Variants in WWOX observed in about 807,000 individuals in gnomAD.
The protein encoded by WWOX is WW domain containing oxidoreductase, also known as WW domain-containing oxidoreductase.
Under a neutral mutation model 46.2 loss-of-function variants are expected in WWOX, and 69 were observed. The ratio of observed to expected loss-of-function variants is 1.49; its 90% CI spans 1.23 to 1.82. The LOEUF (loss-of-function observed/expected upper bound fraction) is 1.82. WWOX is among the 40% of genes most tolerant of loss of function. WWOX has a pLI of 0.00. For synonymous variants in WWOX, 359 were observed against 202.6 expected, an observed-to-expected ratio of 1.77 and a Z score of -6.56; for missense variants, 919 against 542.6, an observed-to-expected ratio of 1.69 and a Z score of -6.89.
chr16:78,878,053 G>A (rs549585087), intron 8 of WWOX, among the ~76,000 whole-genome samples: 8 of 152,264 alleles, frequency 5.3e-5, no homozygotes, highest in African/African-American at 1.9e-4. Flanking sequence ...GATCCCCTAA[G>A]ACAAAGCATT....
At chr16:78,409,933 T>A (rs1482456432) in intron 6 of WWOX, among the ~76,000 whole-genome samples, 1 of 152,200 alleles carries the variant, frequency 6.6e-6, no homozygotes, top group African/African-American at 2.4e-5. Flanking sequence ...GAGCTCCCTG[T>A]CTCAAGGTGA....
intron 8 of WWOX, among the ~76,000 whole-genome samples, chr16:79,178,225 C>G (rs1391984647): frequency 6.6e-6 from 1 of 152,188 alleles, no homozygotes; most frequent in Non-Finnish European, 1.5e-5. Flanking sequence ...GAACAAGTGA[C>G]TATTTGCTAA....
At chr16:78,527,156 A>T (rs373632970) in intron 8 of WWOX, among the ~76,000 whole-genome samples, 1 of 152,100 alleles carries the variant, frequency 6.6e-6, no homozygotes, top group African/African-American at 2.4e-5. Flanking sequence ...AGAGCGGGGT[A>T]AAAAAACAAC....
In WWOX at chr16:78,594,024, A is replaced by G. The variant is rs1315234250; in HGVS notation, c.1056+161272A>G. 4.6e-5 allele frequency among the ~76,000 whole-genome samples: 7 copies of G among 152,240 alleles called. No homozygotes were observed. In the East Asian group the frequency reaches 7.8e-4, roughly 17 times the overall value. ...TAAGTCTCAGTTTCGTCTCCTGTCA[A>G]TTGGGAAAATATCGTGAGGCGGAGA... On this transcript the variant is annotated intron_variant, in intron 8 of 8. Transcript: ENST00000566780.
intron 8 of WWOX, among the ~76,000 whole-genome samples, chr16:78,932,516 G>C (rs1020442907): frequency 2.6e-4 from 39 of 152,176 alleles, no homozygotes; most frequent in Non-Finnish European, 1.0e-4. Flanking sequence ...TGCAAACCTT[G>C]AAGTGGGCCC....
rs2048503669 is a variant in WWOX at position 78,713,928 on chromosome 16, C to T, written c.1056+281176C>T. On this transcript the variant is annotated intron_variant, in intron 8 of 8. Transcript: ENST00000566780. ...ACACCCGAGGACTGTCGTTGGGGAA[C>T]AGGAAACCTGTCTGTAGTCCTGGCT... is the stretch of plus-strand genomic sequence containing the variant. 1.3e-5 allele frequency among the ~76,000 whole-genome samples: 2 copies of T among 152,096 alleles called. 1 individual carries two copies. Among genetic ancestry groups the T allele is most frequent in the Admixed American group, 1.3e-4 (2 of 15,264 alleles).
intron 8 of WWOX, among the ~76,000 whole-genome samples, chr16:79,191,442 C>A (rs962423768): frequency 3.9e-5 from 6 of 152,050 alleles, no homozygotes; most frequent in African/African-American, 1.2e-4. Context: ...ACACCTTTAT[C>A]TTTGCATTTC....
At chr16:79,056,424 G>T (rs568853303) in intron 8 of WWOX, among the ~76,000 whole-genome samples, 2 of 152,208 alleles carry the variant, frequency 1.3e-5, no homozygotes, top group Non-Finnish European at 2.9e-5. Context: ...GCCTTGTCCT[G>T]TGGTTTAAGG....
chr16:78,462,664 G>T (rs1263952080), intron 8 of WWOX, among the ~76,000 whole-genome samples: 2 of 152,176 alleles, frequency 1.3e-5, no homozygotes, highest in African/African-American at 4.8e-5. Context: ...CCAAGTAGGA[G>T]TAATAGAGTC....
chr16:79,117,545 C>T (rs1329193023), intron 8 of WWOX, among the ~76,000 whole-genome samples: 2 of 152,190 alleles, frequency 1.3e-5, no homozygotes, highest in South Asian at 2.1e-4. Flanking sequence ...GAGAGTCAGC[C>T]TGTGCTTCGC....
Position 78,182,875 on chromosome 16 carries a change from T to C in WWOX, c.516+18586T>C, listed in dbSNP as rs1232926894. 2.1e-5 allele frequency among the ~76,000 whole-genome samples: 3 copies of C among 144,846 alleles called. No homozygotes were observed. The East Asian group carries it at 6.1e-4, about 30-fold the overall frequency. On this transcript the variant is annotated intron_variant, in intron 5 of 8. Coordinates refer to ENST00000566780, the MANE Select transcript of WWOX (RefSeq NM_016373.4). ...CTGAGGCAGGAGAATGGCATGAACC[T>C]GGGAGGCAGAGCTTGCAGTGAGCCG...
intron 5 of WWOX, among the ~76,000 whole-genome samples, chr16:78,327,239 T>C (rs2080644666): frequency 6.6e-6 from 1 of 152,174 alleles, no homozygotes; most frequent in Non-Finnish European, 1.5e-5. Context: ...GGATGTGTCA[T>C]ATCGGGAAAG....
At chr16:78,845,494 G>C (rs537825793) in intron 8 of WWOX, among the ~76,000 whole-genome samples, 36 of 152,262 alleles carry the variant, frequency 2.4e-4, no homozygotes, top group Non-Finnish European at 4.4e-4. Context: ...CTCTTTTACA[G>C]GCTTAGCATA....
chr16:79,153,154 A>C (rs1295076049), intron 8 of WWOX, among the ~76,000 whole-genome samples: 2 of 152,130 alleles, frequency 1.3e-5, no homozygotes, highest in Admixed American at 6.5e-5. Flanking sequence ...AACCGCCAAG[A>C]AATCTTGAGA....
chr16:78,990,613 G>T (rs1037732136), intron 8 of WWOX, among the ~76,000 whole-genome samples: 1 of 152,118 alleles, frequency 6.6e-6, no homozygotes, highest in Admixed American at 6.5e-5. Context: ...AGATGGTAGA[G>T]CGAACAGGCC....
chr16:78,115,563 G>A (rs1369594696), intron 4 of WWOX, among the ~76,000 whole-genome samples: 1 of 152,178 alleles, frequency 6.6e-6, no homozygotes, highest in Non-Finnish European at 1.5e-5. Context: ...GATACTACAG[G>A]TTTCGACTGG....
chr16:78,215,183 C>T (rs934382730), intron 5 of WWOX, among the ~76,000 whole-genome samples: 4 of 152,184 alleles, frequency 2.6e-5, no homozygotes, highest in Non-Finnish European at 4.4e-5. Flanking sequence ...TCATTTTCTT[C>T]CCCATATCAA....
rs145993661 is a variant in WWOX, at chr16:78,870,411, G to T, written c.1057-341197G>T. Reference sequence around the variant, plus strand: ...CCATTTTGTAGATGGGAAGACTAAGGTCCAAGCTTGAATGACCTGCCATCA... The same window carrying T: ...CCATTTTGTAGATGGGAAGACTAAGTTCCAAGCTTGAATGACCTGCCATCA... On this transcript the variant is annotated intron_variant, in intron 8 of 8. Coordinates refer to ENST00000566780, the MANE Select transcript of WWOX (RefSeq NM_016373.4). Among the ~76,000 whole-genome samples the T allele has an allele frequency of 4.7e-4, 71 of 151,922 alleles. 3 individuals carry two copies. The East Asian group carries it at 0.014, about 29-fold the overall frequency.
intron 1 of WWOX, among the ~76,000 whole-genome samples, chr16:78,104,385 G>C (rs1018539879): frequency 2.0e-5 from 3 of 152,000 alleles, no homozygotes; most frequent in Non-Finnish European, 2.9e-5. Context: ...ACACCCATAG[G>C]CTGGCCATGG....
Sources: gnomAD v4.1 joint callset for allele counts (sites outside exome capture counted in the v4.1 genomes callset) on GRCh38, gnomAD v4.1.1 for gene constraint, MANE v1.5 for transcripts, NCBI Gene and HGNC (gene_info 2026-07-23, HGNC 2026-07-21) for gene names.